Variants in PRSS55 observed in about 807,000 individuals in gnomAD.
PRSS55 encodes probable serine protease UNQ9391/PRO34284.
In PRSS55, 41 loss-of-function variants were observed where a neutral mutation model predicts 23.6. The observed-to-expected ratio is 1.74, with a 90% CI of 1.35 to 2.26. The LOEUF is 2.26. PRSS55 is among the 30% of genes most tolerant of loss of function. The pLI, the probability that PRSS55 is intolerant of heterozygous loss-of-function variation, is 0.00. For missense variants in PRSS55, 669 were observed against 439.1 expected (o/e 1.52, Z -4.68); for synonymous variants, 262 against 175.5 (o/e 1.49, Z -3.90).
At position 10,533,055 on chromosome 8, in the gene PRSS55, A is replaced by C; in HGVS notation, c.741+7A>C. 1 of 1,614,132 alleles carries C rather than the reference A, an allele frequency of 6.2e-7. No individual in the cohort carries two copies. Among genetic ancestry groups the C allele is most frequent in the South Asian group, 1.1e-5 (1 of 91,082 alleles). Reference sequence around the variant, plus strand: ...GAGCTATGATGCCTGCAAGGTAACTAGGGGGTACCCTCCCTCACCTTATAG... The same window carrying C: ...GAGCTATGATGCCTGCAAGGTAACTCGGGGGTACCCTCCCTCACCTTATAG... On this transcript the variant is annotated splice_region_variant and intron_variant, in intron 4 of 4. Coordinates refer to ENST00000328655, the MANE Select transcript of PRSS55 (RefSeq NM_198464.4).
downstream of PRSS55, among the ~76,000 whole-genome samples, chr8:10,541,804 G>C (rs1585887986): frequency 6.6e-6 from 1 of 152,224 alleles, no homozygotes; most frequent in South Asian, 2.1e-4. Context: ...TGTCGCCCAG[G>C]CTGGAGTGCA....
chr8:10,546,519 CCA>C (rs1812821908), intron 4 of PRSS55, among the ~76,000 whole-genome samples: 1 of 152,128 alleles, frequency 6.6e-6, no homozygotes, highest in Admixed American at 6.5e-5. Flanking sequence ...CGAAAACTGA[CCA>C]CACACCCTGT....
rs753195681 is a variant in PRSS55, at chr8:10,529,571, G to A, written c.219G>A (p.Glu73=). 6 of 1,614,230 alleles carry A rather than the reference G, an allele frequency of 3.7e-6. No individual in the cohort carries two copies. The highest frequency in any genetic ancestry group is 5.1e-6 in the Non-Finnish European group (6 of 1,180,032). The change falls in exon 2 of 5, where the codon GAG becomes GAA. Residue 73 remains glutamate, a synonymous_variant. Coordinates refer to ENST00000328655, the MANE Select transcript of PRSS55 (RefSeq NM_198464.4). The stretch of plus-strand genomic sequence containing the variant: ...ATTCCAGAATCACAGGGGGGATGGA[G>A]GCGGAGGTGGGTGAGTTTCCGTGGC... ...TRYSRITGGM[E]AEVGEFPWQV... is the part of the protein sequence containing the mutation.
chr8:10,531,972 C>A (rs6601481), intron 3 of PRSS55, among the ~76,000 whole-genome samples: 92,153 of 151,996 alleles, frequency 0.61, 28,195 homozygotes, highest in East Asian at 0.75. Flanking sequence ...ATCTGTTGTT[C>A]CTTGTTGTTA....
intron 4 of PRSS55, among the ~76,000 whole-genome samples, chr8:10,547,820 T>C (rs374341042): frequency 2.0e-5 from 3 of 151,024 alleles, no homozygotes; most frequent in East Asian, 2.0e-4. Context: ...GAGTCTTTTA[T>C]GTGCCGTTGC....
chr8:10,525,640 G>T lies in PRSS55; in HGVS notation c.55G>T (p.Gly19Cys), dbSNP rs200945105. The change falls in exon 1 of 5, where the codon GGT (glycine) becomes TGT (cysteine). Residue 19 changes from glycine (G) to cysteine (C), a missense_variant. Physicochemically the swap from Gly to Cys is radical, Grantham distance 159. Coordinates refer to ENST00000328655, the MANE Select transcript of PRSS55 (RefSeq NM_198464.4). Reference protein sequence around the residue: ...LLSLVTGTQLGPRTPLPEAGV... With the variant: ...LLSLVTGTQLCPRTPLPEAGV... ...GTCCCTGGTCACGGGAACTCAGCTC[G>T]GTCCACGGACTCCTCTCCCAGAGGC... 2 of 1,614,114 alleles carry T rather than the reference G, an allele frequency of 1.2e-6. No individual in the cohort carries two copies. Among genetic ancestry groups the T allele is most frequent in the Non-Finnish European group, 1.7e-6 (2 of 1,180,012 alleles).
At chr8:10,544,741 G>A (rs573327486) in intron 4 of PRSS55, among the ~76,000 whole-genome samples, 2 of 152,210 alleles carry the variant, frequency 1.3e-5, no homozygotes, top group East Asian at 3.9e-4. Flanking sequence ...TTAACTTCTG[G>A]TTTAGACTAA....
At chr8:10,538,255 C>G (rs1812524143) in intron 4 of PRSS55, among the ~76,000 whole-genome samples, 1 of 152,206 alleles carries the variant, frequency 6.6e-6, no homozygotes, top group Admixed American at 6.5e-5. Flanking sequence ...TCCCCATCTT[C>G]AGTCCTGTCT....
At chr8:10,538,409 C>A in intron 4 of PRSS55, 67 bp from the exon 5 acceptor site, 1 of 1,235,458 alleles carries the variant, frequency 8.1e-7, no homozygotes, top group Non-Finnish European at 1.1e-6. Flanking sequence ...CATGAATGAG[C>A]TGTGCCCAGC....
chr8:10,540,021 C>G (rs927375538), downstream of PRSS55, among the ~76,000 whole-genome samples: 2 of 152,198 alleles, frequency 1.3e-5, no homozygotes, highest in African/African-American at 4.8e-5. Context: ...TGGCGCTCCT[C>G]TCTTGCTCTC....
At chr8:10,527,911 G>C (rs1812094357) in intron 1 of PRSS55, among the ~76,000 whole-genome samples, 1 of 151,912 alleles carries the variant, frequency 6.6e-6, no homozygotes, top group Admixed American at 6.6e-5. Flanking sequence ...GAGGAAGTGT[G>C]GATCCACAAG....
chr8:10,526,303 G>C lies in PRSS55; in HGVS notation c.154+564G>C, dbSNP rs1271024788. ...CTGCTCTCAGACAACGTGTGGATGA[G>C]GAACTCAAAGCCTGAGGAAGAGGAT... is the stretch of plus-strand genomic sequence containing the variant. On this transcript the variant is annotated intron_variant, in intron 1 of 4. Coordinates refer to ENST00000328655, the MANE Select transcript of PRSS55 (RefSeq NM_198464.4). 2.0e-5 allele frequency among the ~76,000 whole-genome samples: 3 copies of C among 152,334 alleles called. No homozygotes were observed. In the East Asian group the frequency reaches 5.8e-4, roughly 29 times the overall value.
At position 10,530,493 on chromosome 8, in the gene PRSS55, C is replaced by G. The variant is rs551556978; in HGVS notation, c.347+794C>G. Among the ~76,000 whole-genome samples, 14 of 152,222 alleles carry G rather than the reference C, an allele frequency of 9.2e-5. No homozygotes were observed. In the South Asian group the frequency reaches 2.7e-3, roughly 29 times the overall value. On this transcript the variant is annotated intron_variant, in intron 2 of 4. Coordinates refer to ENST00000328655, the MANE Select transcript of PRSS55 (RefSeq NM_198464.4). Reference sequence around the variant, plus strand: ...TCCATCTCAAAAAAAGAAAAATAAACTTTCCTCTATTAACTCATTTAATCA... The same window carrying G: ...TCCATCTCAAAAAAAGAAAAATAAAGTTTCCTCTATTAACTCATTTAATCA...
chr8:10,540,257 G>C (rs1812611508), downstream of PRSS55: 1 of 152,300 alleles, frequency 6.6e-6, no homozygotes, highest in Non-Finnish European at 1.5e-5. Flanking sequence ...CCCTCATGTA[G>C]ACCCAGCGCT....
chr8:10,532,403 C>A (rs1049568387), intron 3 of PRSS55, among the ~76,000 whole-genome samples: 18 of 152,152 alleles, frequency 1.2e-4, no homozygotes, highest in Non-Finnish European at 2.4e-4. Context: ...CGGCATCTGG[C>A]GGCCCAGAAA....
intron 4 of PRSS55, among the ~76,000 whole-genome samples, chr8:10,533,407 G>T (rs1231998350): frequency 2.0e-5 from 3 of 152,094 alleles, no homozygotes; most frequent in African/African-American, 7.2e-5. Flanking sequence ...AACCTTTGTT[G>T]AGCATACAAG....
rs771345596 is a variant in PRSS55 at position 10,538,529 on chromosome 8, C to G, written c.795C>G (p.Tyr265Ter). The change falls in exon 5 of 5, where the codon TAC becomes TAG. Residue 265 changes from tyrosine to a stop codon, truncating the protein, a stop_gained. Transcript: ENST00000328655. LOFTEE classifies it low-confidence loss of function (END_TRUNC). ...CCCCAGAGCCTGGTGAGAAGTGGTACCAGGTGGGCATCATAAGCTGGGGAA... is the reference window on the plus strand; with the variant it reads ...CCCCAGAGCCTGGTGAGAAGTGGTAGCAGGTGGGCATCATAAGCTGGGGAA... The part of the protein sequence containing the change: ...VCTPEPGEKW[Y>*]QVGIISWGKS... The G allele has an allele frequency of 3.0e-5, 48 of 1,613,976 alleles. No individual in the cohort carries two copies. Among genetic ancestry groups the G allele is most frequent in the Non-Finnish European group, 4.0e-5 (47 of 1,180,014 alleles).
chr8:10,535,106 A>G (rs1025668791), intron 4 of PRSS55, among the ~76,000 whole-genome samples: 2 of 152,262 alleles, frequency 1.3e-5, no homozygotes, highest in Non-Finnish European at 2.9e-5. Flanking sequence ...GCTCATGGAT[A>G]GGAAGAATCA....
chr8:10,546,041 A>C (rs571907095), intron 4 of PRSS55, among the ~76,000 whole-genome samples: 1 of 152,064 alleles, frequency 6.6e-6, no homozygotes, highest in African/African-American at 2.4e-5. Context: ...TGGGGAGAGG[A>C]AGACAGCCCC....
Sources: gnomAD v4.1 joint callset for allele counts (sites outside exome capture counted in the v4.1 genomes callset) on GRCh38, gnomAD v4.1.1 for gene constraint, MANE v1.5 for transcripts, NCBI Gene and HGNC (gene_info 2026-07-23, HGNC 2026-07-21) for gene names.